Variants in TENM2 observed in about 807,000 individuals in gnomAD.
TENM2 encodes teneurin-2.
TENM2 carries 52 observed loss-of-function variants against 245.2 expected under a neutral mutation model. The observed-to-expected ratio is 0.21, with a 90% CI of 0.17 to 0.27. TENM2 has a LOEUF of 0.27. Ranked by LOEUF, TENM2 falls within the 10% of genes least tolerant of loss-of-function variation. The pLI, the probability that TENM2 is intolerant of heterozygous loss-of-function variation, is 1.00. For missense variants in TENM2, 3,046 were observed against 3,666.8 expected (o/e 0.83, Z 4.37); for synonymous variants, 1,363 against 1,438.9 (o/e 0.95, Z 1.19).
At chr5:167,780,652 T>C (rs1194500763) in intron 2 of TENM2, among the ~76,000 whole-genome samples, 1 of 151,774 alleles carries the variant, frequency 6.6e-6, no homozygotes, top group African/African-American at 2.4e-5. Context: ...GAGTTCACTG[T>C]TAATGAATCA....
chr5:168,098,551 G>A (rs1479494996), intron 9 of TENM2, among the ~76,000 whole-genome samples: 2 of 151,840 alleles, frequency 1.3e-5, no homozygotes, highest in African/African-American at 2.4e-5. Context: ...TGGTGGAATC[G>A]GTTTTAAATT....
At chr5:167,122,230 C>T in the TENM2 span, among the ~76,000 whole-genome samples, 1 of 152,106 alleles carries the variant, frequency 6.6e-6, no homozygotes, top group African/African-American at 2.4e-5. Flanking sequence ...ATTTACCTCA[C>T]TAATTACAAG....
chr5:167,133,719 C>A, the TENM2 span, among the ~76,000 whole-genome samples: 1 of 151,842 alleles, frequency 6.6e-6, no homozygotes, highest in African/African-American at 2.4e-5. Context: ...GGCTTGCCAC[C>A]CTCAGCAGAC....
exon 4 of TENM2, chr5:167,952,788 T>C: frequency 6.4e-7 from 1 of 1,567,394 alleles, no homozygotes; most frequent in East Asian, 2.4e-5. Context: ...TCAGGACAGC[T>C]GGGTGCTAAA....
intron 3 of TENM2, among the ~76,000 whole-genome samples, chr5:167,947,605 T>C (rs576350114): frequency 2.0e-5 from 3 of 152,184 alleles, no homozygotes; most frequent in Admixed American, 2.0e-4. Flanking sequence ...CAAGGTCAAA[T>C]TTGAACAGGG....
At position 167,998,908 on chromosome 5, in the gene TENM2, A is replaced by G. The variant is rs377651351; in HGVS notation, c.1186+5726A>G. ...CAATGAGAGATTATTTTCTATGGAA[A>G]CTAAAAGCCTACCATGTGTTTAAAG... On this transcript the variant is annotated intron_variant, in intron 5 of 28. Transcript: ENST00000518659. Among the ~76,000 whole-genome samples the G allele has an allele frequency of 3.0e-4, 45 of 152,288 alleles. 1 individual carries two copies. The East Asian group carries it at 7.9e-3, about 27-fold the overall frequency.
intron 2 of TENM2, among the ~76,000 whole-genome samples, chr5:167,746,322 A>G (rs1208902340): frequency 6.6e-6 from 1 of 152,198 alleles, no homozygotes; most frequent in Non-Finnish European, 1.5e-5. Context: ...GACTTCATGT[A>G]CAAATATTCT....
intron 2 of TENM2, among the ~76,000 whole-genome samples, chr5:167,611,731 G>A (rs6859433): frequency 0.034 from 5,134 of 151,974 alleles, 238 homozygotes; most frequent in African/African-American, 0.1. Context: ...ATCTGGTGAG[G>A]GTCTGCTTTC....
intron 2 of TENM2, among the ~76,000 whole-genome samples, chr5:167,809,908 G>A (rs1380131072): frequency 2.0e-5 from 3 of 152,132 alleles, no homozygotes; most frequent in Non-Finnish European, 4.4e-5. Context: ...TCTACTAACA[G>A]CATCTTGGTG....
chr5:167,025,934 C>G, the TENM2 span, among the ~76,000 whole-genome samples: 1 of 152,202 alleles, frequency 6.6e-6, no homozygotes, highest in South Asian at 2.1e-4. Context: ...TTTAAAAAAA[C>G]AAAAAGGATG....
the TENM2 span, among the ~76,000 whole-genome samples, chr5:167,219,077 T>A: frequency 1.3e-5 from 2 of 152,180 alleles, no homozygotes; most frequent in Non-Finnish European, 2.9e-5. Context: ...CTCTTTGAGA[T>A]TGAAGAAGTT....
intron 2 of TENM2, among the ~76,000 whole-genome samples, chr5:167,823,891 A>T (rs959783742): frequency 6.6e-6 from 1 of 152,140 alleles, no homozygotes; most frequent in Non-Finnish European, 1.5e-5. Flanking sequence ...TGCCCTGGCC[A>T]TGGTAGGTTG....
intron 2 of TENM2, among the ~76,000 whole-genome samples, chr5:167,647,688 A>G (rs1233650044): frequency 6.6e-6 from 1 of 152,140 alleles, no homozygotes; most frequent in East Asian, 1.9e-4. Context: ...TTACTGAATT[A>G]TTTCACAAGG....
chr5:167,268,459 C>T, the TENM2 span, among the ~76,000 whole-genome samples: 49 of 152,264 alleles, frequency 3.2e-4, no homozygotes, highest in Admixed American at 1.1e-3. Flanking sequence ...TTACTGTCCC[C>T]ACTATGAATG....
intron 2 of TENM2, among the ~76,000 whole-genome samples, chr5:167,816,824 G>A (rs1157375311): frequency 7.0e-6 from 1 of 142,518 alleles, no homozygotes; most frequent in Admixed American, 7.1e-5. Context: ...AGAATGACCC[G>A]GGTGAAGTAC....
chr5:167,764,706 C>T (rs1017403576), intron 2 of TENM2, among the ~76,000 whole-genome samples: 2 of 152,120 alleles, frequency 1.3e-5, no homozygotes, highest in Non-Finnish European at 1.5e-5. Flanking sequence ...GTCTATCACC[C>T]GTATGCAGAG....
intron 3 of TENM2, among the ~76,000 whole-genome samples, chr5:167,897,072 C>T (rs1181911939): frequency 1.3e-5 from 2 of 152,200 alleles, no homozygotes; most frequent in South Asian, 2.1e-4. Flanking sequence ...ATCATTCTAT[C>T]ACGCATCAAA....
At chr5:167,107,314 GAAAGAAAGAA>G in the TENM2 span, among the ~76,000 whole-genome samples, 19 of 150,664 alleles carry the variant, frequency 1.3e-4, no homozygotes, top group African/African-American at 4.5e-4. Context: ...AAGAAAGAGA[GAAAGAAAGAA>G]AAAGAAAGAA....
chr5:167,715,584 A>T (rs1759201397), intron 2 of TENM2, among the ~76,000 whole-genome samples: 2 of 152,224 alleles, frequency 1.3e-5, no homozygotes, highest in South Asian at 4.1e-4. Flanking sequence ...TTGATAAATT[A>T]TTATTGAGAC....
Sources: allele counts gnomAD v4.1 joint callset (sites outside exome capture counted in the v4.1 genomes callset), GRCh38; gene constraint gnomAD v4.1.1; transcripts MANE v1.5; gene names NCBI Gene and HGNC (gene_info 2026-07-23, HGNC 2026-07-21).